STEAP4: variants seen among roughly 807,000 people sequenced by gnomAD.
STEAP4 encodes the protein STEAP4 metalloreductase, also known as metalloreductase STEAP4.
Under a neutral mutation model 43.6 loss-of-function variants are expected in STEAP4, and 36 were observed. That is an observed-to-expected ratio of 0.83 (90% CI 0.63 to 1.09). The LOEUF (loss-of-function observed/expected upper bound fraction) is 1.09, where lower values mean the gene tolerates loss of function less well. Ranked by LOEUF, STEAP4 falls within the 50% of genes least tolerant of loss-of-function variation. The probability of loss-of-function intolerance (pLI) is 0.00; values close to 1 mark genes in which losing one functional copy is unlikely to be tolerated. For synonymous variants in STEAP4, 191 were observed against 196.7 expected (o/e 0.97, Z 0.24); for missense variants, 495 against 546.5 (o/e 0.91, Z 0.94).
rs1852461328 is a variant in STEAP4, at chr7:88,273,106, C to T, written c.*6292G>A. 1 of 152,168 alleles carries T rather than the reference C, an allele frequency of 6.6e-6. No individual in the cohort carries two copies. The highest frequency in any genetic ancestry group is 1.5e-5 in the Non-Finnish European group (1 of 68,022). The allele number at this position is 152,168 out of a possible 1,614,324, so 9.4% of individuals were successfully genotyped here. ...CATATCCATCATTGCAAACATTTATCATTTCTTTGTGTTGGGAACAGTCAA... is the reference window on the plus strand; with the variant it reads ...CATATCCATCATTGCAAACATTTATTATTTCTTTGTGTTGGGAACAGTCAA... On this transcript the variant is annotated 3_prime_UTR_variant, in exon 5 of 5. Coordinates refer to ENST00000380079, the MANE Select transcript of STEAP4 (RefSeq NM_024636.4).
Position 88,301,954 on chromosome 7 carries a change from A to T in STEAP4, c.-3+4838T>A, listed in dbSNP as rs1051155926. On this transcript the variant is annotated intron_variant, in intron 1 of 4. Coordinates refer to ENST00000380079, the MANE Select transcript of STEAP4 (RefSeq NM_024636.4). ...AACTACAATACAGTATAGCAACATAATAGGGACACTAAATCAGGAAATACC... is the reference window on the plus strand; with the variant it reads ...AACTACAATACAGTATAGCAACATATTAGGGACACTAAATCAGGAAATACC... 7.9e-5 allele frequency among the ~76,000 whole-genome samples: 12 copies of T among 152,366 alleles called. No homozygotes were observed. The East Asian group carries it at 1.9e-3, about 24-fold the overall frequency.
At chr7:88,296,512 T>C (rs1050614700) in intron 1 of STEAP4, among the ~76,000 whole-genome samples, 1 of 152,178 alleles carries the variant, frequency 6.6e-6, no homozygotes, top group African/African-American at 2.4e-5. Flanking sequence ...TTTATTATTC[T>C]TTCTGAATTT....
At chr7:88,286,004 G>A (rs111294672) in intron 1 of STEAP4, among the ~76,000 whole-genome samples, 3,599 of 152,078 alleles carry the variant, frequency 0.024, 57 homozygotes, top group Middle Eastern at 0.059. Flanking sequence ...TGAGAGTCCC[G>A]AAAGTTTTTT....
chr7:88,303,471 G>A (rs947723023), intron 1 of STEAP4, among the ~76,000 whole-genome samples: 2 of 150,700 alleles, frequency 1.3e-5, no homozygotes, highest in African/African-American at 4.9e-5. Context: ...ACTCCAGCCT[G>A]GGTGACAGAG....
chr7:88,300,128 T>G (rs1211500502), intron 1 of STEAP4, among the ~76,000 whole-genome samples: 6 of 152,200 alleles, frequency 3.9e-5, no homozygotes, highest in Non-Finnish European at 1.5e-5. Flanking sequence ...TTTGTAATAT[T>G]CTGATATACA....
Position 88,272,779 on chromosome 7 carries a change from A to G in STEAP4, c.*6619T>C, listed in dbSNP as rs1852455857. On this transcript the variant is annotated 3_prime_UTR_variant, in exon 5 of 5. Transcript: ENST00000380079. Reference sequence around the variant, plus strand: ...CTGCTTTAAATGATCACACTAAGAAAAATGGGTAGAAGTACAACTAGGGAA... The same window carrying G: ...CTGCTTTAAATGATCACACTAAGAAGAATGGGTAGAAGTACAACTAGGGAA... 6.6e-6 allele frequency: 1 copy of G among 152,210 alleles called. No individual in the cohort carries two copies. The highest frequency in any genetic ancestry group is 2.4e-5 in the African/African-American group (1 of 41,450). The allele number at this position is 152,210 out of a possible 1,614,324, so 9.4% of individuals were successfully genotyped here.
At chr7:88,300,355 C>T (rs1028438570) in intron 1 of STEAP4, among the ~76,000 whole-genome samples, 2 of 152,004 alleles carry the variant, frequency 1.3e-5, no homozygotes, top group African/African-American at 2.4e-5. Context: ...ATCACAGGTG[C>T]GTGCCACCAT....
chr7:88,288,043 C>T (rs1463539436), intron 1 of STEAP4, among the ~76,000 whole-genome samples: 1 of 152,112 alleles, frequency 6.6e-6, no homozygotes, highest in Non-Finnish European at 1.5e-5. Flanking sequence ...GTCATAATTT[C>T]TTCAGTTAGA....
chr7:88,285,979 C>A (rs541311492), intron 1 of STEAP4, among the ~76,000 whole-genome samples: 1 of 152,206 alleles, frequency 6.6e-6, no homozygotes, highest in African/African-American at 2.4e-5. Context: ...TATGAAAGAA[C>A]ATTTCAGCTC....
In STEAP4 at chr7:88,281,096, G is replaced by A; in HGVS notation, c.985-17C>T. ...GAGTATTGCCTAAGAAAAATTATAA[G>A]CAATTACAAAACTACATTTTTACAA... On this transcript the variant is annotated splice_polypyrimidine_tract_variant and intron_variant, in intron 3 of 4. Transcript: ENST00000380079. The A allele has an allele frequency of 1.3e-6, 2 of 1,528,520 alleles. No homozygotes were observed. The highest frequency in any genetic ancestry group is 1.8e-6 in the Non-Finnish European group (2 of 1,140,884). The allele number at this position is 1,528,520 out of a possible 1,614,324, so 94.7% of individuals were successfully genotyped here. A position where few individuals can be genotyped will look rare whatever the true frequency, so the allele number is the denominator to read the frequency against.
At position 88,287,801 on chromosome 7, in the gene STEAP4, C is replaced by A. The variant is rs369050361; in HGVS notation, c.-2-3530G>T. ...CTTGTAGCCAGAGGCTGCATGACCC[C>A]TAAAATGTAATATCTAATCCTGTAG... On this transcript the variant is annotated intron_variant, in intron 1 of 4. Transcript: ENST00000380079. Among the ~76,000 whole-genome samples, 9 of 152,280 alleles carry A rather than the reference C, an allele frequency of 5.9e-5. No individual in the cohort carries two copies. In the East Asian group the frequency reaches 1.4e-3, roughly 23 times the overall value.
At chr7:88,282,570 T>C in intron 3 of STEAP4, 71 bp downstream of exon 3, 3 of 1,357,144 alleles carry the variant, frequency 2.2e-6, no homozygotes, top group South Asian at 2.8e-5. Flanking sequence ...TCTATAATTA[T>C]GAAATGGAAT....
chr7:88,292,794 C>T (rs985673011), intron 1 of STEAP4: 1 of 152,178 alleles, frequency 6.6e-6, no homozygotes, highest in Middle Eastern at 3.2e-3. Flanking sequence ...CACAGTAATG[C>T]AAGCCTTTTG....
intron 1 of STEAP4, among the ~76,000 whole-genome samples, chr7:88,291,792 T>A (rs2115992582): frequency 6.6e-6 from 1 of 152,266 alleles, no homozygotes; most frequent in South Asian, 2.1e-4. Flanking sequence ...TGGGTTAAAA[T>A]AGTTAAAACA....
chr7:88,292,741 C>T (rs958263925), intron 1 of STEAP4: 6 of 152,216 alleles, frequency 3.9e-5, no homozygotes, highest in Non-Finnish European at 7.3e-5. Flanking sequence ...TTAATCTGTT[C>T]TTTATCACTA....
At chr7:88,296,813 A>C (rs1852931829) in intron 1 of STEAP4, among the ~76,000 whole-genome samples, 1 of 152,192 alleles carries the variant, frequency 6.6e-6, no homozygotes, top group African/African-American at 2.4e-5. Context: ...AAACATTCAC[A>C]TTCAACTACA....
intron 1 of STEAP4, among the ~76,000 whole-genome samples, chr7:88,305,695 G>GT (rs1853118199): frequency 6.6e-6 from 1 of 152,154 alleles, no homozygotes; most frequent in Non-Finnish European, 1.5e-5. Context: ...TATGAAAAAA[G>GT]TAACCACTGA....
intron 1 of STEAP4, among the ~76,000 whole-genome samples, chr7:88,303,267 G>A (rs1030030344): frequency 1.2e-4 from 18 of 150,668 alleles, no homozygotes; most frequent in South Asian, 2.1e-4. Context: ...AGGCCAAGGC[G>A]GATGGATCAC....
intron 1 of STEAP4, among the ~76,000 whole-genome samples, chr7:88,298,599 CAT>C (rs1852972280): frequency 6.6e-6 from 1 of 151,892 alleles, no homozygotes; most frequent in Admixed American, 6.6e-5. Context: ...ATTTCTTAGA[CAT>C]GTGCACTTCT....
Sources: gnomAD v4.1 joint callset for allele counts (sites outside exome capture counted in the v4.1 genomes callset) on GRCh38, gnomAD v4.1.1 for gene constraint, MANE v1.5 for transcripts, NCBI Gene and HGNC (gene_info 2026-07-23, HGNC 2026-07-21) for gene names.